The following PARD3B variants were observed in gnomAD, a reference collection of about 807,000 sequenced individuals.
The protein encoded by PARD3B is partitioning defective 3 homolog B.
In PARD3B, 103 loss-of-function variants were observed where a neutral mutation model predicts 130.2. The ratio of observed to expected loss-of-function variants is 0.79; its 90% CI spans 0.67 to 0.93. The LOEUF (loss-of-function observed/expected upper bound fraction) is 0.93. PARD3B is among the 40% of genes least tolerant of loss of function. The pLI is 0.00. For missense variants in PARD3B, 1,609 were observed against 1,499.2 expected (o/e 1.07, Z -1.21); for synonymous variants, 583 against 553.2 (o/e 1.05, Z -0.76).
At chr2:204,944,179 T>G (rs765177314) in intron 2 of PARD3B, among the ~76,000 whole-genome samples, 27 of 152,198 alleles carry the variant, frequency 1.8e-4, no homozygotes, top group Non-Finnish European at 3.5e-4. Flanking sequence ...TACATTAGTC[T>G]TGTAAAGAAA....
At chr2:205,435,379 T>C (rs948727412) in intron 19 of PARD3B, among the ~76,000 whole-genome samples, 6 of 152,106 alleles carry the variant, frequency 3.9e-5, no homozygotes, top group African/African-American at 7.2e-5. Context: ...TTTACTATTA[T>C]AATAGCACTT....
chr2:204,905,563 G>A (rs1423207763), intron 2 of PARD3B, among the ~76,000 whole-genome samples: 1 of 152,116 alleles, frequency 6.6e-6, no homozygotes, highest in African/African-American at 2.4e-5. Flanking sequence ...ACTTTGTGTA[G>A]GATGTATTAA....
intron 21 of PARD3B, among the ~76,000 whole-genome samples, chr2:205,536,153 G>A (rs1046776695): frequency 1.6e-4 from 24 of 152,164 alleles, no homozygotes; most frequent in African/African-American, 5.8e-4. Flanking sequence ...TTAGCTATGA[G>A]CAGGTATTTG....
Position 205,461,406 on chromosome 2 carries a change from G to A in PARD3B, c.3044+20734G>A, listed in dbSNP as rs754178343. Among the ~76,000 whole-genome samples, 1 of 152,124 alleles carries A rather than the reference G, an allele frequency of 6.6e-6. No individual in the cohort carries two copies. The highest frequency in any genetic ancestry group is 2.4e-5 in the African/African-American group (1 of 41,444). On this transcript the variant is annotated intron_variant, in intron 20 of 22. Coordinates refer to ENST00000406610, the MANE Select transcript of PARD3B (RefSeq NM_001302769.2). The surrounding 1 kb of genome is among the most constrained non-coding windows in gnomAD (Gnocchi z 4.3). ...AAATGGATGAGTCAGTCTGCCTGGCGCCTTTCTTCCCTTCATTGAACCAAG... is the reference window on the plus strand; with the variant it reads ...AAATGGATGAGTCAGTCTGCCTGGCACCTTTCTTCCCTTCATTGAACCAAG...
rs943417436 is a variant in PARD3B, at chr2:204,987,453, G to C, written c.394+22130G>C. Reference sequence around the variant, plus strand: ...TGTCAAAGAAAAGATTCTGTAGTTTGGGGAGATAAATTATAAAGATGATAC... The same window carrying C: ...TGTCAAAGAAAAGATTCTGTAGTTTCGGGAGATAAATTATAAAGATGATAC... On this transcript the variant is annotated intron_variant, in intron 3 of 22. Transcript: ENST00000406610. Among the ~76,000 whole-genome samples the C allele has an allele frequency of 2.2e-4, 34 of 152,234 alleles. No homozygotes were observed. In the Middle Eastern group the frequency reaches 0.01, roughly 46 times the overall value.
rs974092878 is a variant in PARD3B at position 204,943,400 on chromosome 2, T to G, written c.223-21752T>G. ...AAGCCAAGATCCCAGCAATGAGCCC[T>G]TTCCTCTGCTTCTCATGGAGTTCTT... is the stretch of plus-strand genomic sequence containing the variant. On this transcript the variant is annotated intron_variant, in intron 2 of 22. Transcript: ENST00000406610. The surrounding 1 kb of genome is among the most constrained non-coding windows in gnomAD (Gnocchi z 4.2). Among the ~76,000 whole-genome samples the G allele has an allele frequency of 1.3e-5, 2 of 152,054 alleles. No individual in the cohort carries two copies. Among genetic ancestry groups the G allele is most frequent in the Admixed American group, 6.5e-5 (1 of 15,272 alleles).
At chr2:204,714,096 G>A (rs1359876508) in intron 2 of PARD3B, among the ~76,000 whole-genome samples, 1 of 152,056 alleles carries the variant, frequency 6.6e-6, no homozygotes, top group East Asian at 1.9e-4. Context: ...CTGTATCTGT[G>A]ATTCTTGTCC....
chr2:205,009,470 G>A (rs1410850341), intron 3 of PARD3B, among the ~76,000 whole-genome samples: 2 of 151,976 alleles, frequency 1.3e-5, no homozygotes, highest in Non-Finnish European at 2.9e-5. Context: ...AGGAGATCGA[G>A]ACCATCCTGG....
intron 2 of PARD3B, among the ~76,000 whole-genome samples, chr2:204,914,303 CTGGTCA>C (rs1330196712): frequency 6.6e-6 from 1 of 152,120 alleles, no homozygotes; most frequent in Non-Finnish European, 1.5e-5. Context: ...CTAATCTTTC[CTGGTCA>C]TGTGACAAGG....
At chr2:204,638,513 A>T (rs2034964524) in intron 1 of PARD3B, among the ~76,000 whole-genome samples, 2 of 152,176 alleles carry the variant, frequency 1.3e-5, no homozygotes, top group African/African-American at 4.8e-5. Context: ...AGCCAAGTGT[A>T]ATTTTGTTAT....
At chr2:205,061,719 T>A (rs924810824) in intron 4 of PARD3B, among the ~76,000 whole-genome samples, 5 of 151,778 alleles carry the variant, frequency 3.3e-5, no homozygotes, top group Admixed American at 6.6e-5. Flanking sequence ...CAAAAAATAT[T>A]GATTCCAAAG....
chr2:204,891,797 A>C (rs2125690216), intron 2 of PARD3B, among the ~76,000 whole-genome samples: 1 of 152,220 alleles, frequency 6.6e-6, no homozygotes, highest in South Asian at 2.1e-4. Flanking sequence ...TTTGGCTCTC[A>C]GTAGTTAGGA....
At position 205,584,092 on chromosome 2, in the gene PARD3B, A is replaced by G. The variant is rs2054104419; in HGVS notation, c.3260+30689A>G. Among the ~76,000 whole-genome samples, 6 of 152,328 alleles carry G rather than the reference A, an allele frequency of 3.9e-5. No individual in the cohort carries two copies. In the South Asian group the frequency reaches 1.2e-3, roughly 32 times the overall value. On this transcript the variant is annotated intron_variant, in intron 22 of 22. Coordinates refer to ENST00000406610, the MANE Select transcript of PARD3B (RefSeq NM_001302769.2). This position sits in a 1 kb window ranked among gnomAD's most constrained non-coding sequence, Gnocchi z 5.5. ...AAAATGCTTCAAAGTCAAAAATTAC[A>G]AGCAGTTAATCACAATTGGAAATAA...
chr2:205,515,431 C>T (rs2050755130), intron 21 of PARD3B, among the ~76,000 whole-genome samples: 1 of 152,132 alleles, frequency 6.6e-6, no homozygotes, highest in Non-Finnish European at 1.5e-5. Flanking sequence ...CTGCTTTCCA[C>T]AATGGTTGAA....
At chr2:205,216,373 A>G (rs1473209038) in intron 15 of PARD3B, among the ~76,000 whole-genome samples, 1 of 152,164 alleles carries the variant, frequency 6.6e-6, no homozygotes, top group Admixed American at 6.6e-5. Context: ...CATGGCTTAT[A>G]AATCAAAGAA....
At position 205,176,421 on chromosome 2, in the gene PARD3B, G is replaced by T; in HGVS notation, c.1792-24G>T. 2 of 1,577,866 alleles carry T rather than the reference G, an allele frequency of 1.3e-6. No individual in the cohort carries two copies. The highest frequency in any genetic ancestry group is 1.7e-6 in the Non-Finnish European group (2 of 1,165,684). ...GTTGGAACATATTAAAAATGCAAAT[G>T]TAATTTTTACTTTTATCTCTTAGGA... is the stretch of plus-strand genomic sequence containing the variant. On this transcript the variant is annotated intron_variant, in intron 12 of 22. Transcript: ENST00000406610. The surrounding 1 kb of genome is among the most constrained non-coding windows in gnomAD (Gnocchi z 5.3).
At chr2:205,439,159 A>T (rs1490219811) in intron 19 of PARD3B, among the ~76,000 whole-genome samples, 1 of 152,124 alleles carries the variant, frequency 6.6e-6, no homozygotes, top group Admixed American at 6.6e-5. Context: ...TTTTTGTTCG[A>T]ATAGGGGAAG....
chr2:205,039,596 G>A (rs1698251266), intron 3 of PARD3B, among the ~76,000 whole-genome samples: 1 of 151,834 alleles, frequency 6.6e-6, no homozygotes, highest in African/African-American at 2.4e-5. Flanking sequence ...TCAGCTTCTC[G>A]GGTAGCTGCA....
chr2:205,499,280 T>C (rs1187027497), intron 20 of PARD3B, among the ~76,000 whole-genome samples: 2 of 151,464 alleles, frequency 1.3e-5, no homozygotes, highest in East Asian at 3.9e-4. Context: ...AGAACTTGGA[T>C]TAGCACGTTC....
Sources: gnomAD v4.1 joint callset for allele counts (sites outside exome capture counted in the v4.1 genomes callset) on GRCh38, gnomAD v4.1.1 for gene constraint, Gnocchi (gnomAD v3.1) non-coding constraint, MANE v1.5 for transcripts, NCBI Gene and HGNC (gene_info 2026-07-23, HGNC 2026-07-21) for gene names.